The following TTC28 variants were observed in gnomAD, a reference collection of about 807,000 sequenced individuals.
TTC28 encodes tetratricopeptide repeat domain 28.
A neutral mutation model predicts 198.0 loss-of-function variants in TTC28; 61 were observed. That is an observed-to-expected ratio of 0.31 (90% CI 0.25 to 0.38). TTC28 has a LOEUF of 0.38. TTC28 is among the 10% of genes least tolerant of loss of function. TTC28 has a pLI of 1.00. For synonymous variants in TTC28, 1,171 were observed against 1,297.8 expected, an observed-to-expected ratio of 0.90 and a Z score of 2.10; for missense variants, 2,678 against 3,164.0, an observed-to-expected ratio of 0.85 and a Z score of 3.69.
At chr22:28,193,311 G>A (rs765135676) in intron 5 of TTC28, among the ~76,000 whole-genome samples, 5 of 152,054 alleles carry the variant, frequency 3.3e-5, no homozygotes, top group East Asian at 1.9e-4. Flanking sequence ...AGGAACAACC[G>A]GTACCAACCA....
chr22:28,264,124 CAT>C (rs1242668742), intron 5 of TTC28, among the ~76,000 whole-genome samples: 2 of 152,104 alleles, frequency 1.3e-5, no homozygotes, highest in Non-Finnish European at 2.9e-5. Context: ...CCATAATCCC[CAT>C]ATGTCATGGG....
chr22:28,260,798 C>T (rs1184773684), intron 5 of TTC28, among the ~76,000 whole-genome samples: 1 of 152,124 alleles, frequency 6.6e-6, no homozygotes, highest in Non-Finnish European at 1.5e-5. Flanking sequence ...CAGCTCTAGA[C>T]TAATGGGTCA....
At chr22:28,462,949 G>A (rs554246605) in intron 2 of TTC28, among the ~76,000 whole-genome samples, 1 of 152,234 alleles carries the variant, frequency 6.6e-6, no homozygotes, top group South Asian at 2.1e-4. Flanking sequence ...ATTATAACTT[G>A]AGAGAACTGG....
intron 2 of TTC28, among the ~76,000 whole-genome samples, chr22:28,614,601 G>T (rs1347418881): frequency 2.6e-5 from 4 of 152,078 alleles, no homozygotes; most frequent in Non-Finnish European, 5.9e-5. Flanking sequence ...CAGATATATA[G>T]ATCAACAGAA....
At chr22:28,238,209 A>G (rs941514436) in intron 5 of TTC28, among the ~76,000 whole-genome samples, 1 of 152,130 alleles carries the variant, frequency 6.6e-6, no homozygotes, top group Non-Finnish European at 1.5e-5. Flanking sequence ...ATTCAATTAC[A>G]TATATTCTAG....
At chr22:28,426,383 CA>C (rs2047351091) in intron 2 of TTC28, among the ~76,000 whole-genome samples, 1 of 152,054 alleles carries the variant, frequency 6.6e-6, no homozygotes, top group Admixed American at 6.6e-5. Flanking sequence ...CCAAGGTTAA[CA>C]AAACTAAACA....
chr22:28,387,057 T>A (rs5762586), intron 2 of TTC28, among the ~76,000 whole-genome samples: 69,750 of 151,302 alleles, frequency 0.46, 18,513 homozygotes, highest in South Asian at 0.66. Flanking sequence ...CGTGTTCTCA[T>A]TGTTCAATTC....
rs541572213 is a variant in TTC28 at position 28,261,794 on chromosome 22, A to G, written c.933+34404T>C. Among the ~76,000 whole-genome samples, 67 of 152,202 alleles carry G rather than the reference A, an allele frequency of 4.4e-4. 1 individual carries two copies. In the South Asian group the frequency reaches 0.013, roughly 30 times the overall value. On this transcript the variant is annotated intron_variant, in intron 5 of 22. Transcript: ENST00000397906. ...GGTCTTGAACTCCTGTGCTCAAGCA[A>G]TCTTCCCACTTCAGCCTCTCAAGTA...
chr22:28,263,641 G>T (rs1453872706), intron 5 of TTC28, among the ~76,000 whole-genome samples: 2 of 152,064 alleles, frequency 1.3e-5, no homozygotes, highest in African/African-American at 4.8e-5. Flanking sequence ...GATAATAATA[G>T]TATAGTATTG....
intron 2 of TTC28, among the ~76,000 whole-genome samples, chr22:28,467,907 G>A (rs539999874): frequency 5.8e-4 from 88 of 152,128 alleles, no homozygotes; most frequent in Admixed American, 4.5e-3. Flanking sequence ...GACCACAGGC[G>A]CATGCCACTG....
chr22:28,211,971 C>T (rs967367797), intron 5 of TTC28, among the ~76,000 whole-genome samples: 2 of 152,176 alleles, frequency 1.3e-5, no homozygotes, highest in Non-Finnish European at 2.9e-5. Context: ...GATTAAGAAA[C>T]TCACTCAAAA....
chr22:28,189,508 C>A (rs1452943608), intron 5 of TTC28, among the ~76,000 whole-genome samples: 4 of 149,094 alleles, frequency 2.7e-5, no homozygotes. Flanking sequence ...AAGAAATTAT[C>A]AAAAACTTAA....
At chr22:28,231,829 T>G (rs2147230122) in intron 5 of TTC28, among the ~76,000 whole-genome samples, 1 of 152,328 alleles carries the variant, frequency 6.6e-6, no homozygotes, top group South Asian at 2.1e-4. Flanking sequence ...AGAAAACAAC[T>G]GACAATGGTT....
intron 2 of TTC28, among the ~76,000 whole-genome samples, chr22:28,483,014 T>C (rs1347180455): frequency 1.3e-5 from 2 of 152,216 alleles, no homozygotes; most frequent in Admixed American, 6.5e-5. Context: ...CTGTTGTGAA[T>C]AGTGTTACTA....
intron 2 of TTC28, among the ~76,000 whole-genome samples, chr22:28,622,162 C>T (rs1361799568): frequency 1.3e-5 from 2 of 152,084 alleles, no homozygotes. Context: ...AGCAAGGGTA[C>T]AGAAATACTG....
At chr22:28,655,943 CACCTCT>C (rs2051642116) in intron 1 of TTC28, among the ~76,000 whole-genome samples, 1 of 151,992 alleles carries the variant, frequency 6.6e-6, no homozygotes, top group African/African-American at 2.4e-5. Flanking sequence ...TACTCCTTAT[CACCTCT>C]ATCTCGTCAG....
chr22:28,484,523 T>A (rs1371947656), intron 2 of TTC28, among the ~76,000 whole-genome samples: 1 of 152,128 alleles, frequency 6.6e-6, no homozygotes, highest in Non-Finnish European at 1.5e-5. Context: ...GCTCTTCTGA[T>A]CCCTCCCTGG....
chr22:28,551,458 G>C (rs1174634925), intron 2 of TTC28, among the ~76,000 whole-genome samples: 1 of 152,138 alleles, frequency 6.6e-6, no homozygotes, highest in East Asian at 1.9e-4. Flanking sequence ...TATCCCTGAT[G>C]AAAATAGATG....
chr22:28,653,902 G>A (rs889194075), intron 1 of TTC28, among the ~76,000 whole-genome samples: 3 of 152,162 alleles, frequency 2.0e-5, no homozygotes, highest in Admixed American at 6.5e-5. Context: ...CGAAAATGAC[G>A]TAAGAAGACA....
Sources: gnomAD v4.1 joint callset for allele counts (sites outside exome capture counted in the v4.1 genomes callset) on GRCh38, gnomAD v4.1.1 for gene constraint, MANE v1.5 for transcripts, NCBI Gene and HGNC (gene_info 2026-07-23, HGNC 2026-07-21) for gene names.